ARHGEF33: variants seen among roughly 807,000 people sequenced by gnomAD.
ARHGEF33 encodes Rho guanine nucleotide exchange factor 33.
ARHGEF33 carries 72 observed loss-of-function variants against 101.9 expected under a neutral mutation model. That is an observed-to-expected ratio of 0.71 (90% CI 0.58 to 0.86). The LOEUF (loss-of-function observed/expected upper bound fraction) is 0.86, where lower values mean the gene tolerates loss of function less well. Ranked by LOEUF, ARHGEF33 falls within the 40% of genes least tolerant of loss-of-function variation. The probability of loss-of-function intolerance (pLI) is 0.00; values close to 1 mark genes in which losing one functional copy is unlikely to be tolerated. For synonymous variants in ARHGEF33, 499 were observed against 442.5 expected (o/e 1.13, Z -1.60); for missense variants, 1,169 against 1,111.3 (o/e 1.05, Z -0.74).
chr2:38,954,671 T>G (rs1007252444), intron 13 of ARHGEF33, among the ~76,000 whole-genome samples: 2 of 147,830 alleles, frequency 1.4e-5, no homozygotes, highest in Non-Finnish European at 3.0e-5. Flanking sequence ...TCTTGCTCTG[T>G]CACCCAGGCT....
At chr2:38,898,525 G>A (rs899610274) in intron 2 of ARHGEF33, among the ~76,000 whole-genome samples, 13 of 152,154 alleles carry the variant, frequency 8.5e-5, no homozygotes, top group African/African-American at 2.9e-4. Flanking sequence ...GAGAAAGAGG[G>A]TACAGTGGGT....
intron 2 of ARHGEF33, among the ~76,000 whole-genome samples, chr2:38,910,509 G>C (rs1477235165): frequency 6.6e-6 from 1 of 152,184 alleles, no homozygotes; most frequent in Non-Finnish European, 1.5e-5. Flanking sequence ...GGCAGAGGTT[G>C]CAGTGAGCAG....
At chr2:38,951,202 T>G (rs1304122727) in intron 11 of ARHGEF33, 81 bp downstream of exon 11, 20 of 1,354,384 alleles carry the variant, frequency 1.5e-5, no homozygotes, top group Non-Finnish European at 1.9e-5. Context: ...ATAGAGAATC[T>G]AGAAGCAGTG....
intron 1 of ARHGEF33, among the ~76,000 whole-genome samples, chr2:38,890,387 A>T (rs1179167988): frequency 6.6e-6 from 1 of 152,148 alleles, no homozygotes; most frequent in Non-Finnish European, 1.5e-5. Flanking sequence ...AAGATTAGGG[A>T]TGGAGGGAGA....
intron 12 of ARHGEF33, among the ~76,000 whole-genome samples, chr2:38,953,940 A>C (rs1038391777): frequency 6.6e-6 from 1 of 152,236 alleles, no homozygotes; most frequent in Non-Finnish European, 1.5e-5. Context: ...TTCTGCGGCC[A>C]GGCCAGCTAA....
At position 38,931,128 on chromosome 2, in the gene ARHGEF33, C is replaced by T. The variant is rs1292822021; in HGVS notation, c.382C>T (p.His128Tyr). ...TCCTAGGAAAACTCAAAAAGAAGAG[C>T]ACAGCTCACAGGCCGGGCCTGCCCA... Reference protein sequence around the residue: ...VKAKKTQKEEHSSQAGPAQAQ... With the variant: ...VKAKKTQKEEYSSQAGPAQAQ... The change falls in exon 7 of 18, where the codon CAC becomes TAC. Residue 128 changes from histidine (H) to tyrosine (Y), a missense_variant. Coordinates refer to ENST00000409978, the MANE Select transcript of ARHGEF33 (RefSeq NM_001145451.5). The T allele has an allele frequency of 6.5e-7, 1 of 1,549,138 alleles. No individual in the cohort carries two copies. The highest frequency in any genetic ancestry group is 1.2e-5 in the South Asian group (1 of 83,506).
chr2:38,961,321 G>A (rs1162296379), intron 16 of ARHGEF33, among the ~76,000 whole-genome samples: 2 of 152,116 alleles, frequency 1.3e-5, no homozygotes, highest in Non-Finnish European at 2.9e-5. Flanking sequence ...AACCTTCTTT[G>A]GCCTCAGTGA....
chr2:38,917,594 C>T (rs1238477949), intron 2 of ARHGEF33, among the ~76,000 whole-genome samples: 4 of 151,988 alleles, frequency 2.6e-5, no homozygotes, highest in African/African-American at 9.7e-5. Flanking sequence ...CTTTGAGAGA[C>T]CGAGGAGGGG....
intron 7 of ARHGEF33, among the ~76,000 whole-genome samples, chr2:38,934,397 T>A (rs1558433134): frequency 6.6e-6 from 1 of 151,904 alleles, no homozygotes; most frequent in Admixed American, 6.6e-5. Context: ...CTTCTCCCTC[T>A]GCATTCAAGC....
At chr2:38,906,476 G>A (rs10171010) in intron 2 of ARHGEF33, among the ~76,000 whole-genome samples, 1 of 152,168 alleles carries the variant, frequency 6.6e-6, no homozygotes, top group African/African-American at 2.4e-5. Flanking sequence ...AAACTTTTCA[G>A]ATGTGGTAAA....
intron 1 of ARHGEF33, among the ~76,000 whole-genome samples, chr2:38,893,766 C>G (rs546806302): frequency 5.3e-5 from 8 of 152,314 alleles, no homozygotes; most frequent in African/African-American, 1.9e-4. Context: ...CACGTGAACT[C>G]TGTTTAAACC....
intron 4 of ARHGEF33, among the ~76,000 whole-genome samples, chr2:38,924,741 T>C (rs1388401462): frequency 6.6e-6 from 1 of 152,218 alleles, no homozygotes; most frequent in African/African-American, 2.4e-5. Flanking sequence ...TCTGGTCAAA[T>C]ATAATTTGTA....
At chr2:38,909,419 T>A (rs1009982503) in intron 2 of ARHGEF33, among the ~76,000 whole-genome samples, 1 of 151,868 alleles carries the variant, frequency 6.6e-6, no homozygotes, top group African/African-American at 2.4e-5. Flanking sequence ...CTTCCTGGGC[T>A]CAGGTGATTC....
intron 2 of ARHGEF33, among the ~76,000 whole-genome samples, chr2:38,906,734 C>T (rs916314126): frequency 3.5e-5 from 5 of 143,990 alleles, no homozygotes; most frequent in Admixed American, 7.3e-5. Context: ...TTTGGGAGGC[C>T]AGGGCAGGAG....
chr2:38,944,505 G>C (rs940726585), intron 10 of ARHGEF33, among the ~76,000 whole-genome samples: 1 of 152,136 alleles, frequency 6.6e-6, no homozygotes. Flanking sequence ...TGCATTGGGG[G>C]TTAAGTTTCC....
At chr2:38,948,838 C>G (rs1302402529) in intron 10 of ARHGEF33, among the ~76,000 whole-genome samples, 2 of 152,130 alleles carry the variant, frequency 1.3e-5, no homozygotes, top group African/African-American at 2.4e-5. Context: ...GTGTTTTTCT[C>G]CATCAGGTTT....
At chr2:38,930,584 G>C (rs192030987) in intron 6 of ARHGEF33, among the ~76,000 whole-genome samples, 1 of 152,112 alleles carries the variant, frequency 6.6e-6, no homozygotes, top group Non-Finnish European at 1.5e-5. Flanking sequence ...GGGCTCAAGT[G>C]ATCCTCCCAC....
rs1462859951 is a variant in ARHGEF33 at position 38,960,630 on chromosome 2, C to G, written c.2325C>G (p.Thr775=). The G allele has an allele frequency of 5.1e-5, 73 of 1,421,750 alleles. No individual in the cohort carries two copies. Among genetic ancestry groups the G allele is most frequent in the Non-Finnish European group, 6.5e-5 (70 of 1,073,162 alleles). The allele number at this position is 1,421,750 out of a possible 1,614,324, so 88.1% of individuals were successfully genotyped here. ...AGAGGTCCCAAAGCGAAAAACAGAC[C>G]TATTTGGAAGTAAGGAGGGTAAAGT... ...PQQRSQSEKQ[T]YLEVRREMHL... is the part of the protein sequence containing the mutation. Residue 775 remains threonine, a synonymous_variant, in exon 16 of 18, where the codon ACC becomes ACG. Transcript: ENST00000409978.
chr2:38,971,906 T>C, intron 17 of ARHGEF33: 1 of 718,536 alleles, frequency 1.4e-6, no homozygotes. Context: ...TCTGTGGTCC[T>C]TGGGGCTGGT....
Sources: gnomAD v4.1 joint callset for allele counts (sites outside exome capture counted in the v4.1 genomes callset) on GRCh38, gnomAD v4.1.1 for gene constraint, MANE v1.5 for transcripts, NCBI Gene and HGNC (gene_info 2026-07-23, HGNC 2026-07-21) for gene names.